WDFY3: variants seen among roughly 807,000 people sequenced by gnomAD.
The protein encoded by WDFY3 is WD repeat and FYVE domain-containing protein 3.
Under a neutral mutation model 409.6 loss-of-function variants are expected in WDFY3, and 66 were observed. That is an observed-to-expected ratio of 0.16 (90% confidence interval 0.13 to 0.20). The LOEUF is 0.20. WDFY3 is among the 10% of genes least tolerant of loss of function. WDFY3 has a pLI of 1.00. For synonymous variants in WDFY3, 1,521 were observed against 1,537.1 expected (o/e 0.99, Z 0.25); for missense variants, 3,031 against 4,298.1 (o/e 0.71, Z 8.24).
At chr4:84,914,530 T>C (rs2150779628) in intron 2 of WDFY3, among the ~76,000 whole-genome samples, 1 of 152,324 alleles carries the variant, frequency 6.6e-6, no homozygotes, top group African/African-American at 2.4e-5. Context: ...CTGGCATCCC[T>C]AAGCCCTGAG....
chr4:84,705,631 AAACTGGTAT>A, intron 53 of WDFY3, 120 bp from the exon 54 acceptor site: 1 of 789,240 alleles, frequency 1.3e-6, no homozygotes, highest in South Asian at 1.6e-5. Context: ...CTGTGGGGTC[AAACTGGTAT>A]AACTGGACTC....
chr4:84,844,167 T>G (rs1682552414), intron 5 of WDFY3, among the ~76,000 whole-genome samples: 1 of 152,182 alleles, frequency 6.6e-6, no homozygotes, highest in African/African-American at 2.4e-5. Flanking sequence ...TCAATTAGCA[T>G]TCAGAACAAC....
At chr4:84,889,346 G>A (rs1031690208) in intron 3 of WDFY3, among the ~76,000 whole-genome samples, 3 of 152,122 alleles carry the variant, frequency 2.0e-5, no homozygotes, top group African/African-American at 7.2e-5. Flanking sequence ...CATCTGCAGA[G>A]ACCTTTTGCA....
At chr4:84,830,058 C>T (rs1166352254) in intron 8 of WDFY3, among the ~76,000 whole-genome samples, 1 of 151,940 alleles carries the variant, frequency 6.6e-6, no homozygotes, top group Non-Finnish European at 1.5e-5. Flanking sequence ...ATAACAAAAG[C>T]TAAGATTTAA....
chr4:84,733,432 A>T lies in WDFY3; in HGVS notation c.7171T>A (p.Tyr2391Asn). ...RKKMVRNDMFYNHYPYVPETE... is the reference protein window; with the variant it reads ...RKKMVRNDMFNNHYPYVPETE... ...TCTGGCACGTAAGGGTAATGGTTAT[A>T]AAACATATCATTTCGCACCATCTTT... The change falls in exon 44 of 68, where the codon TAT becomes AAT. Residue 2391 changes from tyrosine (Y) to asparagine (N), a missense_variant. Coordinates refer to ENST00000295888, the MANE Select transcript of WDFY3 (RefSeq NM_014991.6). 6.2e-7 allele frequency: 1 copy of T among 1,614,146 alleles called. No homozygotes were observed. The highest frequency in any genetic ancestry group is 8.5e-7 in the Non-Finnish European group (1 of 1,180,030).
At chr4:84,939,732 A>AT (rs1404158950) in intron 1 of WDFY3, among the ~76,000 whole-genome samples, 1 of 152,072 alleles carries the variant, frequency 6.6e-6, no homozygotes, top group Non-Finnish European at 1.5e-5. Flanking sequence ...TTAAAAAAAA[A>AT]AAGTTTCTAT....
At chr4:84,677,128 G>A in intron 67 of WDFY3, 71 bp downstream of exon 67, 2 of 1,566,174 alleles carry the variant, frequency 1.3e-6, no homozygotes, top group Admixed American at 3.5e-5. Flanking sequence ...ATCAGAACCT[G>A]TGTGCAGGAC....
chr4:84,673,018 T>G (rs1725668346), intron 67 of WDFY3, 27 bp from the exon 68 acceptor site: 1 of 1,613,112 alleles, frequency 6.2e-7, no homozygotes, highest in African/African-American at 1.3e-5. Context: ...GTCAATTAAT[T>G]ATAGGTCTTC....
intron 51 of WDFY3, among the ~76,000 whole-genome samples, chr4:84,711,633 G>A (rs867446111): frequency 2.6e-5 from 4 of 151,862 alleles, no homozygotes; most frequent in Non-Finnish European, 5.9e-5. Flanking sequence ...AGGGCGGATC[G>A]CGAGGTCGGG....
chr4:84,744,836 G>C (rs1739110576), intron 36 of WDFY3, among the ~76,000 whole-genome samples: 1 of 110,734 alleles, frequency 9.0e-6, no homozygotes, highest in Non-Finnish European at 1.7e-5. Context: ...CTGGGCGACA[G>C]AGCGAGACTC....
At chr4:84,835,358 G>A (rs1386542531) in intron 7 of WDFY3, among the ~76,000 whole-genome samples, 1 of 152,098 alleles carries the variant, frequency 6.6e-6, no homozygotes, top group Admixed American at 6.6e-5. Context: ...TAATTCCTAT[G>A]CGATTTACTC....
In WDFY3 at chr4:84,821,202, T is replaced by C. The variant is rs1472360489; in HGVS notation, c.1473A>G (p.Arg491=). 1 of 1,613,786 alleles carries C rather than the reference T, an allele frequency of 6.2e-7. No individual in the cohort carries two copies. The highest frequency in any genetic ancestry group is 1.3e-5 in the African/African-American group (1 of 75,048). The change falls in exon 11 of 68, where the codon AGA becomes AGG. Residue 491 remains arginine (R), a synonymous_variant. Coordinates refer to ENST00000295888, the MANE Select transcript of WDFY3 (RefSeq NM_014991.6). ...ACACGTCTTTAAATATGTAGTCATG[T>C]CTTGTAAACTTAAGAAGTGTTTTCA... ...IAMKTLLKFT[R]HDYIFKDVFR...
intron 36 of WDFY3, among the ~76,000 whole-genome samples, chr4:84,747,257 G>A (rs1305848346): frequency 6.6e-6 from 1 of 152,216 alleles, no homozygotes; most frequent in Admixed American, 6.5e-5. Flanking sequence ...CTGCCCATGG[G>A]TAGACAGCAC....
chr4:84,726,778 A>G, intron 45 of WDFY3, 83 bp downstream of exon 45: 1 of 1,219,792 alleles, frequency 8.2e-7, no homozygotes, highest in South Asian at 1.4e-5. Context: ...AGTCTAGTCT[A>G]CCATGCACTT....
chr4:84,830,220 T>C lies in WDFY3; in HGVS notation c.770-1030A>G, dbSNP rs566520596. Among the ~76,000 whole-genome samples the C allele has an allele frequency of 2.6e-5, 4 of 152,326 alleles. No individual in the cohort carries two copies. In the South Asian group the frequency reaches 8.3e-4, roughly 32 times the overall value. ...ACAGTAATATCAGGTAGTTCTCAACTTGATGATTTGACTTAAGATGTTTCT... is the reference window on the plus strand; with the variant it reads ...ACAGTAATATCAGGTAGTTCTCAACCTGATGATTTGACTTAAGATGTTTCT... On this transcript the variant is annotated intron_variant, in intron 8 of 67. Coordinates refer to ENST00000295888, the MANE Select transcript of WDFY3 (RefSeq NM_014991.6).
chr4:84,825,462 G>C (rs1027269184), intron 10 of WDFY3, among the ~76,000 whole-genome samples: 1 of 151,592 alleles, frequency 6.6e-6, no homozygotes, highest in African/African-American at 2.4e-5. Context: ...GAACTCCCGG[G>C]CTCAAAAGAT....
chr4:84,868,153 CAG>C (rs1391140947), intron 3 of WDFY3, among the ~76,000 whole-genome samples: 2 of 102,568 alleles, frequency 1.9e-5, no homozygotes, highest in Non-Finnish European at 3.5e-5. Flanking sequence ...GCCTGGGTGA[CAG>C]AGCGAGACTC....
Position 84,796,722 on chromosome 4 carries a change from C to A in WDFY3, c.2966G>T (p.Gly989Val). ...SSMITSLEGL[G>V]TDNVFSLHED... Reference sequence around the variant, plus strand: ...ATGTAAGCTAAAAACATTATCAGTACCCAGACCTTCCAGAGATGTGATCAT... The same window carrying A: ...ATGTAAGCTAAAAACATTATCAGTAACCAGACCTTCCAGAGATGTGATCAT... Residue 989 changes from glycine (G) to valine (V), a missense_variant, in exon 19 of 68, where the codon GGT becomes GTT. Physicochemically the swap from Gly to Val is moderately radical, Grantham distance 109. Transcript: ENST00000295888. The A allele has an allele frequency of 1.2e-6, 2 of 1,613,720 alleles. No homozygotes were observed. The highest frequency in any genetic ancestry group is 1.1e-5 in the South Asian group (1 of 91,048).
At chr4:84,713,313 C>A (rs752487597) in intron 50 of WDFY3, 74 bp from the exon 51 acceptor site, 8 of 1,364,388 alleles carry the variant, frequency 5.9e-6, no homozygotes, top group Non-Finnish European at 7.3e-6. Flanking sequence ...TAAGAAAGGA[C>A]GATTCGTTTA....
Sources: allele counts gnomAD v4.1 joint callset (sites outside exome capture counted in the v4.1 genomes callset), GRCh38; gene constraint gnomAD v4.1.1; transcripts MANE v1.5; gene names NCBI Gene and HGNC (gene_info 2026-07-23, HGNC 2026-07-21).